The following ATP2C1 variants were observed in gnomAD, a reference collection of about 807,000 sequenced individuals.
ATP2C1 encodes the protein ATPase secretory pathway Ca2+ transporting 1.
A neutral mutation model predicts 120.5 loss-of-function variants in ATP2C1; 31 were observed. The observed-to-expected ratio is 0.26, with a 90% CI of 0.19 to 0.35. ATP2C1 has a LOEUF of 0.35. Among genes scored for constraint, ATP2C1 ranks in the 10% least tolerant of loss-of-function variants. ATP2C1 has a pLI of 1.00. For missense variants in ATP2C1, 731 were observed against 1,107.5 expected (o/e 0.66, Z 4.83); for synonymous variants, 351 against 358.7 (o/e 0.98, Z 0.24).
chr3:130,907,181 A>G (rs561990953), intron 2 of ATP2C1, among the ~76,000 whole-genome samples: 1 of 152,164 alleles, frequency 6.6e-6, no homozygotes, highest in African/African-American at 2.4e-5. Context: ...AAGAGTGTTC[A>G]CTGCAGCAAT....
chr3:130,967,936 G>A (rs1216270047), intron 16 of ATP2C1, among the ~76,000 whole-genome samples: 2 of 152,074 alleles, frequency 1.3e-5, no homozygotes, highest in Non-Finnish European at 1.5e-5. Context: ...GTCCCAATCC[G>A]TCTCCTTATC....
intron 12 of ATP2C1, 163 bp downstream of exon 12, chr3:130,959,504 A>G (rs1263241897): frequency 2.0e-6 from 1 of 500,574 alleles, no homozygotes; most frequent in African/African-American, 1.9e-5. Flanking sequence ...TTATCCTTAG[A>G]AAAATGAAAA....
Position 130,894,159 on chromosome 3 carries a change from GCCCGCCCTCTCTCCCTCCCTTCCTCCCT to G in ATP2C1, c.-353_-326del. ...TCACCTCCTCTTCTCTCCCCTCCCCGCCCGCCCTCTCTCCCTCCCTTCCTCCCTCCCGCTCGCTTCTTCTCACGCCGGG... is the reference window on the plus strand; with the variant it reads ...TCACCTCCTCTTCTCTCCCCTCCCCGCCCGCTCGCTTCTTCTCACGCCGGG... On this transcript the variant is annotated 5_prime_UTR_variant, in exon 1 of 28. Transcript: ENST00000510168. This position sits in a 1 kb window ranked among gnomAD's most constrained non-coding sequence, Gnocchi z 4.5. 3.7e-6 allele frequency: 1 copy of G among 271,058 alleles called. No homozygotes were observed. Among genetic ancestry groups the G allele is most frequent in the Non-Finnish European group, 4.8e-6 (1 of 208,132 alleles). The allele number at this position is 271,058 out of a possible 1,614,324, so 16.8% of individuals were successfully genotyped here.
At chr3:130,988,832 T>A (rs2062151615) in intron 20 of ATP2C1, among the ~76,000 whole-genome samples, 1 of 152,210 alleles carries the variant, frequency 6.6e-6, no homozygotes. Context: ...CACTTCAGCC[T>A]CTGATTGGCT....
rs1202995723 is a variant in ATP2C1, at chr3:130,872,914, A to T, written c.108+21986A>T. 2.6e-5 allele frequency among the ~76,000 whole-genome samples: 4 copies of T among 152,172 alleles called. No individual in the cohort carries two copies. The East Asian group carries it at 7.7e-4, about 29-fold the overall frequency. On this transcript the variant is annotated intron_variant, in intron 1 of 26. Coordinates refer to the ATP2C1 transcript ENST00000504381. Reference sequence around the variant, plus strand: ...GTACTTTTCAACTCTGAGAAGATAAACCCAAGGGATTCTAGAAGAGGGTCT... The same window carrying T: ...GTACTTTTCAACTCTGAGAAGATAATCCCAAGGGATTCTAGAAGAGGGTCT...
chr3:130,954,978 G>T, intron 9 of ATP2C1, 34 bp from the exon 10 acceptor site: 1 of 1,485,900 alleles, frequency 6.7e-7, no homozygotes. Context: ...CATTTCATCT[G>T]GATGTAAATG....
At position 130,869,422 on chromosome 3, in the gene ATP2C1, T is replaced by TAAA. The variant is rs2068342474; in HGVS notation, c.108+18498_108+18500dup. 66 of 54,748 alleles carry TAAA rather than the reference T, an allele frequency of 1.2e-3. 2 individuals are homozygous for TAAA. Among genetic ancestry groups the TAAA allele is most frequent in the East Asian group, 6.7e-3 (6 of 898 alleles). The allele number at this position is 54,748 out of a possible 1,614,324, so 3.4% of individuals were successfully genotyped here. ...GCGAGAAACACCCAAGAATGATCAA[T>TAAA]AAAAAATAAAAAAAAAAAAAAAAAA... On this transcript the variant is annotated intron_variant, in intron 1 of 26. Coordinates refer to the ATP2C1 transcript ENST00000504381.
chr3:131,002,659 T>G lies in ATP2C1; in HGVS notation c.*1309T>G. 1.0e-6 allele frequency: 1 copy of G among 985,410 alleles called. No homozygotes were observed. Among genetic ancestry groups the G allele is most frequent in the Non-Finnish European group, 1.2e-6 (1 of 829,894 alleles). 61.0% of individuals were successfully genotyped at this position (985,410 alleles called of 1,614,324 possible). A position where few individuals can be genotyped will look rare whatever the true frequency, so the allele number is the denominator to read the frequency against. On this transcript the variant is annotated 3_prime_UTR_variant, in exon 28 of 28. Transcript: ENST00000510168. The stretch of plus-strand genomic sequence containing the variant: ...TTCTGTTGAGTATATAAACAAAAAT[T>G]GGTCCCAATTCTAACAGGTTTAATC...
chr3:130,994,519 T>A (rs2062509414), intron 22 of ATP2C1, among the ~76,000 whole-genome samples: 1 of 152,208 alleles, frequency 6.6e-6, no homozygotes, highest in African/African-American at 2.4e-5. Context: ...TGCCCTCATT[T>A]AATGTTATAA....
chr3:130,930,253 A>T (rs2059396501), intron 2 of ATP2C1, 163 bp from the exon 3 acceptor site: 2 of 666,654 alleles, frequency 3.0e-6, no homozygotes, highest in Non-Finnish European at 5.5e-6. Context: ...GCATGTGGTT[A>T]GTATAAAATT....
intron 1 of ATP2C1, among the ~76,000 whole-genome samples, chr3:130,851,476 C>T (rs1400923836): frequency 9.9e-5 from 15 of 152,060 alleles, no homozygotes; most frequent in Admixed American, 9.2e-4. Context: ...GTCTTTTTAG[C>T]CAATCAAAAG....
intron 5 of ATP2C1, among the ~76,000 whole-genome samples, chr3:130,936,678 G>C (rs994330150): frequency 7.9e-5 from 12 of 151,648 alleles, no homozygotes; most frequent in African/African-American, 2.7e-4. Flanking sequence ...TTAGCTGGGC[G>C]TGGTGGTGGG....
chr3:130,967,419 G>A lies in ATP2C1; in HGVS notation c.1308G>A (p.Lys436=). The change falls in exon 16 of 28, where the codon AAG becomes AAA. Residue 436 remains lysine (K), a splice_region_variant and synonymous_variant. Coordinates refer to ENST00000510168, the MANE Select transcript of ATP2C1 (RefSeq NM_001378687.1). ...GGGCCTTAATTGCTCTTGCAATGAA[G>A]GTACGTACCTAAATTTCTCTTCTTT... ...TEGALIALAM[K]MGLDGLQQDY... is the part of the protein sequence containing the mutation. The A allele has an allele frequency of 6.2e-7, 1 of 1,612,672 alleles. No individual in the cohort carries two copies. Among genetic ancestry groups the A allele is most frequent in the Non-Finnish European group, 8.5e-7 (1 of 1,178,918 alleles).
chr3:130,960,274 G>C (rs1004124295), intron 12 of ATP2C1, among the ~76,000 whole-genome samples: 18 of 152,278 alleles, frequency 1.2e-4, no homozygotes, highest in African/African-American at 4.3e-4. Flanking sequence ...ACACAGCAGG[G>C]TAACTTCAGG....
intron 26 of ATP2C1, chr3:131,015,283 C>T (rs1278941901): frequency 1.4e-6 from 1 of 694,314 alleles, no homozygotes; most frequent in Non-Finnish European, 2.6e-6. Flanking sequence ...AATAGACAAG[C>T]CCCTCCCCCC....
downstream of ATP2C1, among the ~76,000 whole-genome samples, chr3:131,004,235 T>A (rs1047478578): frequency 2.0e-5 from 3 of 152,242 alleles, no homozygotes; most frequent in Non-Finnish European, 2.9e-5. Context: ...TTTGAAGTGC[T>A]TTTTAAGACT....
At position 130,894,095 on chromosome 3, in the gene ATP2C1, G is replaced by A. The variant is rs1167338171; in HGVS notation, c.-423G>A. 1.0e-5 allele frequency: 10 copies of A among 975,990 alleles called. No individual in the cohort carries two copies. Among genetic ancestry groups the A allele is most frequent in the African/African-American group, 1.8e-5 (1 of 56,998 alleles). The allele number at this position is 975,990 out of a possible 1,614,324, so 60.5% of individuals were successfully genotyped here. Reference sequence around the variant, plus strand: ...TCGGAGGCGGGAGCAGACCAGCACGGCCTCGCGGAGCCGGCCCGGCGGACC... The same window carrying A: ...TCGGAGGCGGGAGCAGACCAGCACGACCTCGCGGAGCCGGCCCGGCGGACC... On this transcript the variant is annotated 5_prime_UTR_variant, in exon 1 of 28. Coordinates refer to ENST00000510168, the MANE Select transcript of ATP2C1 (RefSeq NM_001378687.1). This position sits in a 1 kb window ranked among gnomAD's most constrained non-coding sequence, Gnocchi z 4.5.
chr3:130,957,084 T>G (rs576617891), intron 11 of ATP2C1, among the ~76,000 whole-genome samples: 1 of 152,308 alleles, frequency 6.6e-6, no homozygotes, highest in Non-Finnish European at 1.5e-5. Context: ...GTGGGACTTA[T>G]TTATATCCTA....
At chr3:130,965,125 G>C (rs1028578805) in intron 14 of ATP2C1, 80 bp downstream of exon 14, 1 of 942,666 alleles carries the variant, frequency 1.1e-6, no homozygotes, top group African/African-American at 1.6e-5. Context: ...AACAGTTCCA[G>C]TGTCTTACCT....
Sources: gnomAD v4.1 joint callset for allele counts (sites outside exome capture counted in the v4.1 genomes callset) on GRCh38, gnomAD v4.1.1 for gene constraint, Gnocchi (gnomAD v3.1) non-coding constraint, MANE v1.5 for transcripts, NCBI Gene and HGNC (gene_info 2026-07-23, HGNC 2026-07-21) for gene names.